The following BACH2 variants were observed in gnomAD, a reference collection of about 807,000 sequenced individuals.
The protein encoded by BACH2 is transcription regulator protein BACH2.
In BACH2, 5 loss-of-function variants were observed where a neutral mutation model predicts 61.8. That is an observed-to-expected ratio of 0.08 (90% CI 0.04 to 0.17). The LOEUF (loss-of-function observed/expected upper bound fraction) is 0.17, where lower values mean the gene tolerates loss of function less well. BACH2 is among the 10% of genes least tolerant of loss of function. BACH2 has a pLI of 1.00. For synonymous variants in BACH2, 446 were observed against 440.1 expected, an observed-to-expected ratio of 1.01 and a Z score of -0.17; for missense variants, 824 against 1,091.1, an observed-to-expected ratio of 0.76 and a Z score of 3.45.
chr6:90,038,144 AAAG>A (rs1779354200), intron 5 of BACH2, among the ~76,000 whole-genome samples: 1 of 152,206 alleles, frequency 6.6e-6, no homozygotes, highest in Non-Finnish European at 1.5e-5. Context: ...GAACAACCTT[AAAG>A]AAGATTTTCC....
chr6:90,166,698 A>G (rs1184286147), intron 4 of BACH2, among the ~76,000 whole-genome samples: 1 of 152,202 alleles, frequency 6.6e-6, no homozygotes, highest in African/African-American at 2.4e-5. Context: ...AATGTGGCAC[A>G]TATACACCAT....
At chr6:90,093,966 T>G (rs1782279824) in intron 4 of BACH2, among the ~76,000 whole-genome samples, 1 of 152,204 alleles carries the variant, frequency 6.6e-6, no homozygotes, top group Non-Finnish European at 1.5e-5. Flanking sequence ...TGGGGGAAAG[T>G]TTAAAAAGAG....
At chr6:90,055,739 C>T (rs572638072) in intron 5 of BACH2, among the ~76,000 whole-genome samples, 1 of 152,090 alleles carries the variant, frequency 6.6e-6, no homozygotes, top group South Asian at 2.1e-4. Flanking sequence ...GTCAGGTTAC[C>T]CACAAAGGGA....
At chr6:90,199,389 T>C (rs1187668348) in intron 4 of BACH2, among the ~76,000 whole-genome samples, 3 of 152,240 alleles carry the variant, frequency 2.0e-5, no homozygotes, top group Admixed American at 2.0e-4. Context: ...CTGGAATGTA[T>C]ATGTTTCATA....
At chr6:90,098,595 C>T (rs1782480547) in intron 4 of BACH2, among the ~76,000 whole-genome samples, 1 of 152,180 alleles carries the variant, frequency 6.6e-6, no homozygotes, top group Admixed American at 6.5e-5. Context: ...GACGCATAGA[C>T]ACAAAACATT....
At chr6:90,189,427 T>C (rs1447980390) in intron 4 of BACH2, among the ~76,000 whole-genome samples, 1 of 151,384 alleles carries the variant, frequency 6.6e-6, no homozygotes, top group Non-Finnish European at 1.5e-5. Flanking sequence ...GCTAACAAGG[T>C]GAAACCCCGT....
chr6:90,027,552 G>A (rs769875016), intron 5 of BACH2, among the ~76,000 whole-genome samples: 1 of 152,080 alleles, frequency 6.6e-6, no homozygotes, highest in Non-Finnish European at 1.5e-5. Flanking sequence ...CTCTCCAAAC[G>A]GTAAGGAATG....
chr6:90,031,099 A>G (rs1157087113), intron 5 of BACH2, among the ~76,000 whole-genome samples: 21 of 151,406 alleles, frequency 1.4e-4, no homozygotes, highest in Admixed American at 2.0e-4. Flanking sequence ...ACCAATGACA[A>G]AAACCACATG....
At chr6:90,036,097 A>C (rs1430543530) in intron 5 of BACH2, among the ~76,000 whole-genome samples, 2 of 151,960 alleles carry the variant, frequency 1.3e-5, no homozygotes, top group African/African-American at 4.8e-5. Flanking sequence ...TCCTTAAGTG[A>C]AAATAAAATG....
Position 90,132,619 on chromosome 6 carries a change from C to A in BACH2, c.-161-43510G>T, listed in dbSNP as rs181738443. On this transcript the variant is annotated intron_variant, in intron 4 of 8. Coordinates refer to ENST00000257749, the MANE Select transcript of BACH2 (RefSeq NM_021813.4). Reference sequence around the variant, plus strand: ...ATTTTTGTGCAGGTTCCTCCTCCCACCCCTACCGTGGCTACACCATTACAA... The same window carrying A: ...ATTTTTGTGCAGGTTCCTCCTCCCAACCCTACCGTGGCTACACCATTACAA... Among the ~76,000 whole-genome samples, 317 of 152,306 alleles carry A rather than the reference C, an allele frequency of 2.1e-3. 4 individuals are homozygous for A. The highest frequency in any genetic ancestry group is 5.6e-4 in the Non-Finnish European group (38 of 68,026).
intron 4 of BACH2, among the ~76,000 whole-genome samples, chr6:90,143,504 G>A (rs1784528158): frequency 6.6e-6 from 1 of 152,036 alleles, no homozygotes; most frequent in Non-Finnish European, 1.5e-5. Context: ...ACCCTGGTAG[G>A]AGCAGTATGA....
Position 89,951,512 on chromosome 6 carries a change from G to C in BACH2, c.594C>G (p.Pro198=). Residue 198 remains proline, a synonymous_variant, in exon 7 of 9, where the codon CCC becomes CCG. Coordinates refer to ENST00000257749, the MANE Select transcript of BACH2 (RefSeq NM_021813.4). The surrounding 1 kb of genome is among the most constrained non-coding windows in gnomAD (Gnocchi z 6.4). ...GCAGGGCTTCTTCCTTCTCTGCTAC[G>C]GGGATGGCGGCGGCCTCAAAGCTGA... ...EPISFEAAAI[P]VAEKEEALLP... 6.2e-7 allele frequency: 1 copy of C among 1,614,226 alleles called. No homozygotes were observed. Among genetic ancestry groups the C allele is most frequent in the Non-Finnish European group, 8.5e-7 (1 of 1,180,032 alleles).
At chr6:89,954,693 C>A in intron 6 of BACH2, among the ~76,000 whole-genome samples, 1 of 151,946 alleles carries the variant, frequency 6.6e-6, no homozygotes, top group Middle Eastern at 3.2e-3. Flanking sequence ...GAGAAAGCAT[C>A]TCCGCTCAGG....
chr6:90,279,100 T>C (rs995609319), intron 1 of BACH2, among the ~76,000 whole-genome samples: 2 of 152,198 alleles, frequency 1.3e-5, no homozygotes, highest in Non-Finnish European at 1.5e-5. Context: ...GGCTGATGGC[T>C]ACCATACTGG....
intron 4 of BACH2, among the ~76,000 whole-genome samples, chr6:90,115,211 C>G (rs139405253): frequency 6.6e-6 from 1 of 152,064 alleles, no homozygotes; most frequent in East Asian, 1.9e-4. Context: ...CCCAAATAGC[C>G]AATGCAATCC....
At chr6:90,049,932 G>T (rs1335755917) in intron 5 of BACH2, among the ~76,000 whole-genome samples, 5 of 152,182 alleles carry the variant, frequency 3.3e-5, no homozygotes, top group African/African-American at 1.2e-4. Context: ...ACAAACTAAG[G>T]TTACTCAGAC....
chr6:90,050,587 C>T (rs1439939608), intron 5 of BACH2, among the ~76,000 whole-genome samples: 1 of 152,000 alleles, frequency 6.6e-6, no homozygotes, highest in Non-Finnish European at 1.5e-5. Context: ...CAATGCAATT[C>T]TTTTCACTTT....
intron 5 of BACH2, among the ~76,000 whole-genome samples, chr6:90,021,299 T>TAAAAAAAAAAAAAAAAAAACAAAAAAAA (rs200724602): frequency 1.0e-5 from 1 of 100,242 alleles, no homozygotes; most frequent in Non-Finnish European, 2.3e-5. Flanking sequence ...AGCAAAAAAG[T>TAAAAAAAAAAAAAAAAAAACAAAAAAAA]AAAAAAAAAA....
In BACH2 at chr6:89,938,207, G is replaced by A. The variant is rs371695425; in HGVS notation, c.1980C>T (p.Ala660=). 1 of 1,614,210 alleles carries A rather than the reference G, an allele frequency of 6.2e-7. No homozygotes were observed. The highest frequency in any genetic ancestry group is 8.5e-7 in the Non-Finnish European group (1 of 1,180,036). The change falls in exon 8 of 9, where the codon GCC becomes GCT. Residue 660 remains alanine, a synonymous_variant. Coordinates refer to ENST00000257749, the MANE Select transcript of BACH2 (RefSeq NM_021813.4). Reference sequence around the variant, plus strand: ...CCAGTTTCCTTTTGCGGCAGCGCTGGGCCGCGATGCGGTTCTTGCTGCGCC... The same window carrying A: ...CCAGTTTCCTTTTGCGGCAGCGCTGAGCCGCGATGCGGTTCTTGCTGCGCC... ...VRRRSKNRIA[A]QRCRKRKLDC... is the part of the protein sequence containing the mutation.
Sources: allele counts gnomAD v4.1 joint callset (sites outside exome capture counted in the v4.1 genomes callset), GRCh38; gene constraint gnomAD v4.1.1; non-coding constraint Gnocchi (gnomAD v3.1); transcripts MANE v1.5; gene names NCBI Gene and HGNC (gene_info 2026-07-23, HGNC 2026-07-21).